Variants in CLTC observed in about 807,000 individuals in gnomAD.
CLTC encodes the protein clathrin heavy chain.
Under a neutral mutation model 195.8 loss-of-function variants are expected in CLTC, and 16 were observed. The observed-to-expected ratio is 0.08, with a 90% confidence interval of 0.06 to 0.12. The LOEUF is 0.12. CLTC is among the 10% of genes least tolerant of loss of function. The probability of loss-of-function intolerance (pLI) is 1.00; values close to 1 mark genes in which losing one functional copy is unlikely to be tolerated. For synonymous variants in CLTC, 667 were observed against 689.4 expected, an observed-to-expected ratio of 0.97 and a Z score of 0.51; for missense variants, 796 against 2,027.0, an observed-to-expected ratio of 0.39 and a Z score of 11.66.
chr17:59,663,825 C>G lies in CLTC; in HGVS notation c.1369-17C>G. 6.2e-7 allele frequency: 1 copy of G among 1,606,226 alleles called. No individual in the cohort carries two copies. The highest frequency in any genetic ancestry group is 1.1e-5 in the South Asian group (1 of 89,640). On this transcript the variant is annotated splice_polypyrimidine_tract_variant and intron_variant, in intron 8 of 31. Coordinates refer to ENST00000269122, the MANE Select transcript of CLTC (RefSeq NM_004859.4). ...CAGTTCATGGATCACTAAACAATCT[C>G]TTTTTCCTTTGGACAGCTGGAATGT...
chr17:59,647,740 A>C, intron 3 of CLTC, 74 bp downstream of exon 3: 1 of 1,330,526 alleles, frequency 7.5e-7, no homozygotes, highest in Non-Finnish European at 1.1e-6. Flanking sequence ...TTTGATTTTG[A>C]AATTAGGTCT....
At position 59,682,613 on chromosome 17, in the gene CLTC, A is replaced by C. The variant is rs771718485; in HGVS notation, c.3601-16A>C. 4.3e-6 allele frequency: 7 copies of C among 1,612,346 alleles called. No individual in the cohort carries two copies. Among genetic ancestry groups the C allele is most frequent in the Non-Finnish European group, 5.9e-6 (7 of 1,178,716 alleles). ...ACTAATATCTTGCTGAATGTGGGTT[A>C]CCTTTTTTTTTCCAGGTTGGTGACC... On this transcript the variant is annotated splice_polypyrimidine_tract_variant and intron_variant, in intron 22 of 31. Coordinates refer to ENST00000269122, the MANE Select transcript of CLTC (RefSeq NM_004859.4). The surrounding 1 kb of genome is among the most constrained non-coding windows in gnomAD (Gnocchi z 6.8).
At chr17:59,622,573 T>C (rs1296237710) in intron 1 of CLTC, among the ~76,000 whole-genome samples, 1 of 152,082 alleles carries the variant, frequency 6.6e-6, no homozygotes, top group Non-Finnish European at 1.5e-5. Flanking sequence ...AGATGGAGTT[T>C]CATGTTGCCC....
In CLTC at chr17:59,673,766, A is replaced by G. The variant is rs1428116678; in HGVS notation, c.2412A>G (p.Val804=). Residue 804 remains valine, a synonymous_variant, in exon 15 of 32, where the codon GTA becomes GTG. Transcript: ENST00000269122. The stretch of plus-strand genomic sequence containing the variant: ...TTCAAAAGTATATAGAGATATATGT[A>G]CAGAAGGTAAGTAATATGTAGGTAA... ...NNLQKYIEIY[V]QKVNPSRLPV... is the part of the protein sequence containing the mutation. 8.3e-7 allele frequency: 1 copy of G among 1,205,680 alleles called. No homozygotes were observed. The highest frequency in any genetic ancestry group is 1.2e-5 in the South Asian group (1 of 80,800). The allele number at this position is 1,205,680 out of a possible 1,614,324, so 74.7% of individuals were successfully genotyped here. A position where few individuals can be genotyped will look rare whatever the true frequency, so the allele number is the denominator to read the frequency against.
chr17:59,654,229 G>A (rs1249755802), intron 5 of CLTC, among the ~76,000 whole-genome samples: 2 of 151,980 alleles, frequency 1.3e-5, no homozygotes, highest in East Asian at 3.9e-4. Flanking sequence ...AGGCTGGAGT[G>A]CAGTGGCGCA....
chr17:59,622,876 G>C (rs10515169), intron 1 of CLTC, among the ~76,000 whole-genome samples: 5 of 152,134 alleles, frequency 3.3e-5, no homozygotes, highest in African/African-American at 4.8e-5. Flanking sequence ...CCAACTGAAG[G>C]ATCTCTTGTC....
Position 59,673,624 on chromosome 17 carries a change from C to T in CLTC, c.2293-23C>T, listed in dbSNP as rs765971890. The T allele has an allele frequency of 5.6e-6, 9 of 1,592,932 alleles. No homozygotes were observed. In the East Asian group the frequency reaches 9.0e-5, roughly 16 times the overall value. ...ACCTCATAGAAGAAATTTAAAGTTTCCTTTTGTTTGTCTTTTTTTCAGGAA... is the reference window on the plus strand; with the variant it reads ...ACCTCATAGAAGAAATTTAAAGTTTTCTTTTGTTTGTCTTTTTTTCAGGAA... On this transcript the variant is annotated intron_variant, in intron 14 of 31. Transcript: ENST00000269122.
At position 59,666,315 on chromosome 17, in the gene CLTC, T is replaced by G. The variant is rs910945019; in HGVS notation, c.1782+75T>G. The G allele has an allele frequency of 2.3e-5, 36 of 1,567,780 alleles. No individual in the cohort carries two copies. Among genetic ancestry groups the G allele is most frequent in the Non-Finnish European group, 3.1e-5 (36 of 1,143,994 alleles). On this transcript the variant is annotated intron_variant, in intron 11 of 31. Coordinates refer to ENST00000269122, the MANE Select transcript of CLTC (RefSeq NM_004859.4). The surrounding 1 kb of genome is among the most constrained non-coding windows in gnomAD (Gnocchi z 4.9). ...TTGTGCAGCGCCTCTCAGATTGTTA[T>G]GCAAAGCTACTGAGGGGCCTACTCC...
At chr17:59,674,490 A>G (rs528985661) in intron 15 of CLTC, 81 of 523,038 alleles carry the variant, frequency 1.5e-4, no homozygotes, top group Admixed American at 5.8e-4. Flanking sequence ...TTCAATACTT[A>G]TTAAACCATG....
At position 59,648,713 on chromosome 17, in the gene CLTC, G is replaced by C. The variant is rs1287293789; in HGVS notation, c.681+312G>C. 9.4e-6 allele frequency: 2 copies of C among 212,394 alleles called. No homozygotes were observed. Among genetic ancestry groups the C allele is most frequent in the African/African-American group, 4.7e-5 (2 of 42,930 alleles). 13.2% of individuals were successfully genotyped at this position (212,394 alleles called of 1,614,324 possible). ...TTTTTTTGTTTATTTGTTGCTTTTT[G>C]AGACAGGGTGTCACTCTGTTGCCCA... is the stretch of plus-strand genomic sequence containing the variant. On this transcript the variant is annotated intron_variant, in intron 4 of 31. Transcript: ENST00000269122. This position sits in a 1 kb window ranked among gnomAD's most constrained non-coding sequence, Gnocchi z 4.5.
intron 10 of CLTC, among the ~76,000 whole-genome samples, chr17:59,665,117 C>T (rs780784469): frequency 6.6e-5 from 10 of 151,742 alleles, no homozygotes; most frequent in East Asian, 3.9e-4. Context: ...CCCAGCTACT[C>T]GGGTGGCTGA....
intron 8 of CLTC, among the ~76,000 whole-genome samples, chr17:59,662,022 G>T (rs1217371894): frequency 6.6e-6 from 1 of 151,840 alleles, no homozygotes; most frequent in Non-Finnish European, 1.5e-5. Context: ...AGAATCACTT[G>T]AACCCGGGAG....
Position 59,695,845 on chromosome 17 carries a change from T to TA in CLTC, c.*1995dup. On this transcript the variant is annotated 3_prime_UTR_variant, in exon 32 of 32. Transcript: ENST00000269122. ...AATATCAACACAGAGAAAAAAAAAA[T>TA]AATAATAGTATTATGAAAACATTGA... The TA allele has an allele frequency of 1.2e-4, 1 of 8,372 alleles. No homozygotes were observed. The highest frequency in any genetic ancestry group is 2.9e-4 in the Non-Finnish European group (1 of 3,422). The allele number at this position is 8,372 out of a possible 1,614,324, so 0.5% of individuals were successfully genotyped here.
At position 59,696,040 on chromosome 17, in the gene CLTC, C is replaced by T. The variant is rs1029043781; in HGVS notation, c.*2188C>T. On this transcript the variant is annotated 3_prime_UTR_variant, in exon 32 of 32. Transcript: ENST00000269122. ...TATGCCATGACAGTTACTTAGCCACCCCATGCCATCCTGTTGGGAATGCCA... is the reference window on the plus strand; with the variant it reads ...TATGCCATGACAGTTACTTAGCCACTCCATGCCATCCTGTTGGGAATGCCA... 1 of 209,188 alleles carries T rather than the reference C, an allele frequency of 4.8e-6. No homozygotes were observed. The highest frequency in any genetic ancestry group is 2.3e-5 in the African/African-American group (1 of 44,060). The allele number at this position is 209,188 out of a possible 1,614,324, so 13.0% of individuals were successfully genotyped here. A position where few individuals can be genotyped will look rare whatever the true frequency, so the allele number is the denominator to read the frequency against.
At chr17:59,639,611 T>C (rs1183932744) in intron 1 of CLTC, among the ~76,000 whole-genome samples, 1 of 152,128 alleles carries the variant, frequency 6.6e-6, no homozygotes, top group Non-Finnish European at 1.5e-5. Flanking sequence ...TGAAAATACC[T>C]GCAAGTTTAT....
chr17:59,651,016 A>G lies in CLTC; in HGVS notation c.682-187A>G, dbSNP rs1398506442. The stretch of plus-strand genomic sequence containing the variant: ...ATTGGCTTCTTTTTTTTCACTCACC[A>G]TAATGTTCATGAAAGTTTGTTCCTT... On this transcript the variant is annotated intron_variant, in intron 4 of 31. Transcript: ENST00000269122. Among the ~76,000 whole-genome samples the G allele has an allele frequency of 3.3e-5, 5 of 152,150 alleles. No homozygotes were observed. In the East Asian group the frequency reaches 9.6e-4, roughly 29 times the overall value.
At chr17:59,669,730 A>ATG in intron 14 of CLTC, among the ~76,000 whole-genome samples, 1 of 93,968 alleles carries the variant, frequency 1.1e-5, no homozygotes. Flanking sequence ...TACACTATAT[A>ATG]TATATATAAT....
In CLTC at chr17:59,694,196, A is replaced by C. The variant is rs2033371703; in HGVS notation, c.*344A>C. ...TGTTTAAAGAAACAAAGAAACTCTA[A>C]TATTGAATCTCTTAAATTTAGTGTA... On this transcript the variant is annotated 3_prime_UTR_variant, in exon 32 of 32. Transcript: ENST00000269122. 1 of 227,294 alleles carries C rather than the reference A, an allele frequency of 4.4e-6. No homozygotes were observed. The highest frequency in any genetic ancestry group is 8.7e-6 in the Non-Finnish European group (1 of 114,508). 14.1% of individuals were successfully genotyped at this position (227,294 alleles called of 1,614,324 possible).
chr17:59,646,091 C>T (rs905539284), intron 2 of CLTC: 9 of 504,178 alleles, frequency 1.8e-5, no homozygotes, highest in East Asian at 1.5e-4. Flanking sequence ...AAAAGATTTT[C>T]GGAGCATTGT....
Sources: allele counts gnomAD v4.1 joint callset (sites outside exome capture counted in the v4.1 genomes callset), GRCh38; gene constraint gnomAD v4.1.1; non-coding constraint Gnocchi (gnomAD v3.1); transcripts MANE v1.5; gene names NCBI Gene and HGNC (gene_info 2026-07-23, HGNC 2026-07-21).